CACYBP: variants seen among roughly 807,000 people sequenced by gnomAD.
CACYBP encodes the protein calcyclin-binding protein.
Under a neutral mutation model 29.6 loss-of-function variants are expected in CACYBP, and 11 were observed. The observed-to-expected ratio is 0.37, with a 90% CI of 0.23 to 0.61. The LOEUF is 0.61. Among genes scored for constraint, CACYBP ranks in the 20% least tolerant of loss-of-function variants. The pLI is 0.65. For missense variants in CACYBP, 163 were observed against 260.7 expected, an observed-to-expected ratio of 0.63 and a Z score of 2.58; for synonymous variants, 73 against 88.3, an observed-to-expected ratio of 0.83 and a Z score of 0.97.
rs1251870910 is a variant in CACYBP, at chr1:175,010,179, C to G, written c.*100C>G. 1.1e-6 allele frequency: 1 copy of G among 943,814 alleles called. No individual in the cohort carries two copies. The highest frequency in any genetic ancestry group is 2.3e-5 in the Admixed American group (1 of 42,670). The allele number at this position is 943,814 out of a possible 1,614,324, so 58.5% of individuals were successfully genotyped here. A position where few individuals can be genotyped will look rare whatever the true frequency, so the allele number is the denominator to read the frequency against. ...CTGCATATATAAATTTGACAGATAG[C>G]TATTTACATAGCCTTCTAAGTAAAG... On this transcript the variant is annotated 3_prime_UTR_variant, in exon 6 of 6. Transcript: ENST00000367679.
At chr1:175,000,623 G>T (rs1026155511) in intron 1 of CACYBP, 34 of 1,048,876 alleles carry the variant, frequency 3.2e-5, no homozygotes, top group East Asian at 1.0e-4. Flanking sequence ...GCTAGCACTT[G>T]AATTCTCCTA....
At chr1:175,005,551 T>C (rs1158462955) in intron 2 of CACYBP, among the ~76,000 whole-genome samples, 1 of 152,090 alleles carries the variant, frequency 6.6e-6, no homozygotes, top group Admixed American at 6.6e-5. Context: ...AGTCGTACAT[T>C]CAGCAAGTCA....
chr1:175,008,803 C>T (rs1025876576), intron 5 of CACYBP, 97 bp downstream of exon 5: 4 of 707,262 alleles, frequency 5.7e-6, no homozygotes, highest in Non-Finnish European at 7.7e-6. Flanking sequence ...TTTCTGCTTT[C>T]AACTGTCAAA....
chr1:175,008,726 T>G lies in CACYBP; in HGVS notation c.530+20T>G, dbSNP rs1468083046. ...AAAAGAGTGAGTCTACTTCCATTTTTTTAAAGAATTTTAGTGTATTGTTTG... is the reference window on the plus strand; with the variant it reads ...AAAAGAGTGAGTCTACTTCCATTTTGTTAAAGAATTTTAGTGTATTGTTTG... On this transcript the variant is annotated intron_variant, in intron 5 of 5. Coordinates refer to ENST00000367679, the MANE Select transcript of CACYBP (RefSeq NM_014412.3). 17 of 1,101,170 alleles carry G rather than the reference T, an allele frequency of 1.5e-5. No individual in the cohort carries two copies. Among genetic ancestry groups the G allele is most frequent in the Admixed American group, 5.1e-5 (3 of 59,030 alleles). The allele number at this position is 1,101,170 out of a possible 1,614,324, so 68.2% of individuals were successfully genotyped here.
At chr1:175,002,715 G>A (rs1415956216) in intron 1 of CACYBP, among the ~76,000 whole-genome samples, 4 of 152,146 alleles carry the variant, frequency 2.6e-5, no homozygotes, top group African/African-American at 9.7e-5. Context: ...CTGAGGAACT[G>A]TCTCAGTTTT....
At chr1:175,009,095 G>C (rs774672708) in intron 5 of CACYBP, among the ~76,000 whole-genome samples, 1 of 152,164 alleles carries the variant, frequency 6.6e-6, no homozygotes, top group East Asian at 1.9e-4. Context: ...TTAAAAATGT[G>C]TATTCAATGA....
chr1:175,002,081 C>T (rs1672505621), intron 1 of CACYBP, among the ~76,000 whole-genome samples: 1 of 152,138 alleles, frequency 6.6e-6, no homozygotes, highest in African/African-American at 2.4e-5. Context: ...AATAATGCTG[C>T]TGCGAGTACT....
At chr1:175,009,783 G>T (rs750481683) in intron 5 of CACYBP, 140 bp from the exon 6 acceptor site, 3 of 586,538 alleles carry the variant, frequency 5.1e-6, no homozygotes, top group Admixed American at 3.3e-5. Context: ...GAATTTGTGC[G>T]TGCCGTTTTG....
Position 175,010,090 on chromosome 1 carries a change from T to C in CACYBP, c.*11T>C. The C allele has an allele frequency of 6.2e-7, 1 of 1,611,096 alleles. No homozygotes were observed. Among genetic ancestry groups the C allele is most frequent in the Non-Finnish European group, 8.5e-7 (1 of 1,178,586 alleles). ...GACACGGAATTTTGAGACTTTAAAGTCGTTTTGGGAACTGTGATGTGATGT... is the reference window on the plus strand; with the variant it reads ...GACACGGAATTTTGAGACTTTAAAGCCGTTTTGGGAACTGTGATGTGATGT... On this transcript the variant is annotated 3_prime_UTR_variant, in exon 6 of 6. Coordinates refer to ENST00000367679, the MANE Select transcript of CACYBP (RefSeq NM_014412.3).
rs573670145 is a variant in CACYBP, at chr1:175,009,750, G to C, written c.531-173G>C. Among the ~76,000 whole-genome samples, 11 of 151,928 alleles carry C rather than the reference G, an allele frequency of 7.2e-5. 1 individual carries two copies. The South Asian group carries it at 1.5e-3, about 20-fold the overall frequency. On this transcript the variant is annotated intron_variant, in intron 5 of 5. Coordinates refer to ENST00000367679, the MANE Select transcript of CACYBP (RefSeq NM_014412.3). Reference sequence around the variant, plus strand: ...CACCAAGTGTGTGCATGCTTGATACGTGTGTGTTGTTTTCATTAAGATGAA... The same window carrying C: ...CACCAAGTGTGTGCATGCTTGATACCTGTGTGTTGTTTTCATTAAGATGAA...
intron 5 of CACYBP, among the ~76,000 whole-genome samples, chr1:175,009,332 A>G (rs1672690190): frequency 6.6e-6 from 1 of 152,282 alleles, no homozygotes; most frequent in East Asian, 1.9e-4. Context: ...TAGAAAATCA[A>G]ATTCTTATTT....
At chr1:175,007,765 A>G (rs1672652837) in intron 4 of CACYBP, among the ~76,000 whole-genome samples, 1 of 152,258 alleles carries the variant, frequency 6.6e-6, no homozygotes, top group South Asian at 2.1e-4. Flanking sequence ...TATACATAAA[A>G]GGAGGTCTTA....
At position 175,000,090 on chromosome 1, in the gene CACYBP, C is replaced by T. The variant is rs966533030; in HGVS notation, c.-91C>T. On this transcript the variant is annotated 5_prime_UTR_variant, in exon 1 of 6. Coordinates refer to ENST00000367679, the MANE Select transcript of CACYBP (RefSeq NM_014412.3). The stretch of plus-strand genomic sequence containing the variant: ...CAGCGCCGCGACTCGTGCGGGTAGG[C>T]GTCTGCGCTCGGTTTGAGGGCTCGG... The T allele has an allele frequency of 1.2e-5, 18 of 1,510,740 alleles. 1 individual carries two copies. The South Asian group carries it at 1.6e-4, about 13-fold the overall frequency. 93.6% of individuals were successfully genotyped at this position (1,510,740 alleles called of 1,614,324 possible).
chr1:175,005,092 GAC>G (rs751206667), intron 2 of CACYBP: 3 of 457,638 alleles, frequency 6.6e-6, no homozygotes, highest in Non-Finnish European at 1.2e-5. Context: ...TTCAGTATAA[GAC>G]ACAGCTTTGG....
chr1:175,000,104 T>C lies in CACYBP; in HGVS notation c.-77T>C. The C allele has an allele frequency of 1.3e-6, 2 of 1,552,880 alleles. No homozygotes were observed. Among genetic ancestry groups the C allele is most frequent in the Non-Finnish European group, 1.7e-6 (2 of 1,145,924 alleles). On this transcript the variant is annotated 5_prime_UTR_variant, in exon 1 of 6. Coordinates refer to ENST00000367679, the MANE Select transcript of CACYBP (RefSeq NM_014412.3). ...GTGCGGGTAGGCGTCTGCGCTCGGT[T>C]TGAGGGCTCGGCGCGGGGTTTCCTG...
chr1:175,001,329 A>G (rs1187064880), intron 1 of CACYBP, among the ~76,000 whole-genome samples: 1 of 152,234 alleles, frequency 6.6e-6, no homozygotes, highest in Non-Finnish European at 1.5e-5. Flanking sequence ...TGTTTGAGAT[A>G]AAATTCAAGT....
At chr1:175,006,923 T>A (rs1672633464) in intron 3 of CACYBP, 82 bp downstream of exon 3, 2 of 921,084 alleles carry the variant, frequency 2.2e-6, no homozygotes, top group Non-Finnish European at 3.5e-6. Flanking sequence ...TTGCAGTTTT[T>A]AAAATTCTTA....
intron 1 of CACYBP, among the ~76,000 whole-genome samples, chr1:175,003,954 G>A (rs928399216): frequency 3.3e-5 from 5 of 152,214 alleles, no homozygotes; most frequent in African/African-American, 9.6e-5. Flanking sequence ...TTGCATTTTC[G>A]GTCTTTTGTC....
intron 2 of CACYBP, among the ~76,000 whole-genome samples, chr1:175,005,762 C>T (rs948858946): frequency 1.3e-5 from 2 of 152,102 alleles, no homozygotes; most frequent in African/African-American, 4.8e-5. Context: ...GTATTTTAAC[C>T]AGGAACATAG....
Sources: gnomAD v4.1 joint callset for allele counts (sites outside exome capture counted in the v4.1 genomes callset) on GRCh38, gnomAD v4.1.1 for gene constraint, MANE v1.5 for transcripts, NCBI Gene and HGNC (gene_info 2026-07-23, HGNC 2026-07-21) for gene names.